PCDHGA4: variants seen among roughly 807,000 people sequenced by gnomAD.
The protein encoded by PCDHGA4 is protocadherin gamma-A4.
A neutral mutation model predicts 54.6 loss-of-function variants in PCDHGA4; 38 were observed. That is an observed-to-expected ratio of 0.70 (90% CI 0.54 to 0.91). The LOEUF (loss-of-function observed/expected upper bound fraction) is 0.91, where lower values mean the gene tolerates loss of function less well. Ranked by LOEUF, PCDHGA4 falls within the 40% of genes least tolerant of loss-of-function variation. The pLI, the probability that PCDHGA4 is intolerant of heterozygous loss-of-function variation, is 0.00. For missense variants in PCDHGA4, 1,298 were observed against 1,220.9 expected, an observed-to-expected ratio of 1.06 and a Z score of -0.94; for synonymous variants, 511 against 512.9, an observed-to-expected ratio of 1.00 and a Z score of 0.05.
In PCDHGA4 at chr5:141,357,326, C is replaced by T; in HGVS notation, c.2219C>T (p.Thr740Met). 5.0e-6 allele frequency: 8 copies of T among 1,614,082 alleles called. No individual in the cohort carries two copies. The highest frequency in any genetic ancestry group is 6.8e-6 in the Non-Finnish European group (8 of 1,179,936). Residue 740 changes from threonine (T) to methionine (M), a missense_variant, in exon 1 of 4, where the codon ACG becomes ATG. By Grantham distance (81) the Thr-to-Met change is moderately conservative. Coordinates refer to ENST00000571252, the MANE Select transcript of PCDHGA4 (RefSeq NM_018917.4). ...AVSCVFLAFV[T>M]VLLALKLRRW... ...TCCTGCGTCTTCCTGGCTTTTGTCA[C>T]GGTGCTGCTAGCACTCAAGCTGAGA... is the stretch of plus-strand genomic sequence containing the variant.
chr5:141,389,676 C>T, intron 1 of PCDHGA4: 1 of 1,612,444 alleles, frequency 6.2e-7, no homozygotes, highest in Non-Finnish European at 8.5e-7. Context: ...AGACTCAGGA[C>T]ACAACGCCTG....
At chr5:141,403,560 A>G in intron 1 of PCDHGA4, 1 of 1,613,972 alleles carries the variant, frequency 6.2e-7, no homozygotes, top group Non-Finnish European at 8.5e-7. Context: ...CTGGACAGGG[A>G]GGAGGCAACT....
intron 1 of PCDHGA4, chr5:141,398,353 A>G: frequency 2.9e-6 from 4 of 1,397,978 alleles, no homozygotes; most frequent in Non-Finnish European, 4.0e-6. Flanking sequence ...GCCTTACTTC[A>G]CCGTGAGCGC....
intron 1 of PCDHGA4, chr5:141,478,292 CTATA>C (rs1257685524): frequency 6.2e-7 from 1 of 1,614,146 alleles, no homozygotes; most frequent in Admixed American, 1.7e-5. Flanking sequence ...GTCTAGAGAC[CTATA>C]CCGAGCCCCG....
intron 1 of PCDHGA4, chr5:141,423,469 C>G: frequency 3.1e-6 from 5 of 1,613,948 alleles, no homozygotes; most frequent in Non-Finnish European, 4.2e-6. Flanking sequence ...GGACGGGGTA[C>G]AGGCTTTCCT....
chr5:141,481,871 G>A (rs372191396), intron 1 of PCDHGA4, among the ~76,000 whole-genome samples: 73 of 144,864 alleles, frequency 5.0e-4, no homozygotes, highest in Non-Finnish European at 9.7e-4. Context: ...CCGAGATCGC[G>A]CCACTGCACT....
At position 141,485,929 on chromosome 5, in the gene PCDHGA4, G is replaced by A; in HGVS notation, c.2515-8878G>A. 1 of 1,614,150 alleles carries A rather than the reference G, an allele frequency of 6.2e-7. No homozygotes were observed. The highest frequency in any genetic ancestry group is 8.5e-7 in the Non-Finnish European group (1 of 1,180,036). ...AATCCAGCTACAGGATTAGTGTGTT[G>A]GAGAGCGCACCAGCGGGCATGGTGC... On this transcript the variant is annotated intron_variant, in intron 1 of 3. Coordinates refer to ENST00000571252, the MANE Select transcript of PCDHGA4 (RefSeq NM_018917.4). This position sits in a 1 kb window ranked among gnomAD's most constrained non-coding sequence, Gnocchi z 5.7.
intron 1 of PCDHGA4, among the ~76,000 whole-genome samples, chr5:141,368,602 G>T (rs992972372): frequency 1.3e-5 from 2 of 152,100 alleles, no homozygotes; most frequent in African/African-American, 4.8e-5. Context: ...AAAAGTAAAG[G>T]TTATAGATTT....
At chr5:141,483,333 C>G (rs566443186) in intron 1 of PCDHGA4, among the ~76,000 whole-genome samples, 1 of 152,096 alleles carries the variant, frequency 6.6e-6, no homozygotes, top group East Asian at 1.9e-4. Context: ...GCAAAGAGAT[C>G]TTATCTCTTT....
chr5:141,390,222 G>C (rs758225583), intron 1 of PCDHGA4: 2 of 1,614,022 alleles, frequency 1.2e-6, no homozygotes, highest in Admixed American at 3.3e-5. Context: ...CATACTTTGC[G>C]GTGATTCATC....
intron 1 of PCDHGA4, chr5:141,365,077 G>T (rs1048742374): frequency 6.2e-6 from 10 of 1,613,724 alleles, no homozygotes; most frequent in Non-Finnish European, 8.5e-6. Context: ...AGTACAGCGT[G>T]AGTGTTCCAG....
At chr5:141,430,635 T>C (rs1561846344) in intron 1 of PCDHGA4, 1 of 881,828 alleles carries the variant, frequency 1.1e-6, no homozygotes, top group African/African-American at 1.7e-5. Context: ...GAACCATCCC[T>C]GGGAGTATGT....
In PCDHGA4 at chr5:141,489,610, C is replaced by A; in HGVS notation, c.2515-5197C>A. 6.2e-7 allele frequency: 1 copy of A among 1,614,090 alleles called. No individual in the cohort carries two copies. Among genetic ancestry groups the A allele is most frequent in the Non-Finnish European group, 8.5e-7 (1 of 1,179,990 alleles). ...GCTAATCCGTGTAGAGGTAGAGATCCTGGATCTCAATGACAACTCTCCTAG... is the reference window on the plus strand; with the variant it reads ...GCTAATCCGTGTAGAGGTAGAGATCATGGATCTCAATGACAACTCTCCTAG... On this transcript the variant is annotated intron_variant, in intron 1 of 3. Transcript: ENST00000571252. The surrounding 1 kb of genome is among the most constrained non-coding windows in gnomAD (Gnocchi z 4.5).
intron 1 of PCDHGA4, chr5:141,410,849 C>CTTTTGTTTTTTTTTTTTTTTTTT (rs2095432564): frequency 7.7e-6 from 1 of 129,786 alleles, no homozygotes; most frequent in Non-Finnish European, 1.3e-5. Flanking sequence ...TTGTCTTTGT[C>CTTTTGTTTTTTTTTTTTTTTTTT]TTTTTTTTTT....
chr5:141,392,865 G>A, intron 1 of PCDHGA4: 1 of 1,613,006 alleles, frequency 6.2e-7, no homozygotes, highest in Non-Finnish European at 8.5e-7. Flanking sequence ...CCTGCTGTGC[G>A]CGCTGCTGGG....
At chr5:141,503,554 G>A (rs1395044357) in intron 2 of PCDHGA4, among the ~76,000 whole-genome samples, 11 of 149,146 alleles carry the variant, frequency 7.4e-5, no homozygotes, top group East Asian at 3.9e-4. Flanking sequence ...AGCCGAGATC[G>A]CGCCACTGTA....
intron 1 of PCDHGA4, among the ~76,000 whole-genome samples, chr5:141,433,747 G>A (rs566709728): frequency 1.3e-5 from 2 of 150,990 alleles, no homozygotes; most frequent in East Asian, 4.0e-4. Context: ...TGAGTCAGGA[G>A]AATTGCTTTA....
intron 1 of PCDHGA4, chr5:141,393,440 C>G (rs777552488): frequency 6.2e-7 from 1 of 1,614,042 alleles, no homozygotes; most frequent in Admixed American, 1.7e-5. Context: ...CTGCTCACCA[C>G]CTGGTCCTCA....
At position 141,477,687 on chromosome 5, in the gene PCDHGA4, C is replaced by A. The variant is rs1206813120; in HGVS notation, c.2515-17120C>A. The A allele has an allele frequency of 5.6e-6, 9 of 1,614,022 alleles. No homozygotes were observed. The highest frequency in any genetic ancestry group is 7.6e-6 in the Non-Finnish European group (9 of 1,180,040). ...AATGGCATAGTGTCATCCTTAGTGC[C>A]CCTAGACTATGAGGATCGGCGGGAA... On this transcript the variant is annotated intron_variant, in intron 1 of 3. Coordinates refer to ENST00000571252, the MANE Select transcript of PCDHGA4 (RefSeq NM_018917.4). This position sits in a 1 kb window ranked among gnomAD's most constrained non-coding sequence, Gnocchi z 4.9.
Sources: allele counts gnomAD v4.1 joint callset (sites outside exome capture counted in the v4.1 genomes callset), GRCh38; gene constraint gnomAD v4.1.1; non-coding constraint Gnocchi (gnomAD v3.1); transcripts MANE v1.5; gene names NCBI Gene and HGNC (gene_info 2026-07-23, HGNC 2026-07-21).